PTPRN2: variants seen among roughly 807,000 people sequenced by gnomAD.
The protein encoded by PTPRN2 is receptor-type tyrosine-protein phosphatase N2.
In PTPRN2, 74 loss-of-function variants were observed where a neutral mutation model predicts 118.8. That is an observed-to-expected ratio of 0.62 (90% confidence interval 0.52 to 0.76). The LOEUF (loss-of-function observed/expected upper bound fraction) is 0.76. Ranked by LOEUF, PTPRN2 falls within the 30% of genes least tolerant of loss-of-function variation. The pLI is 0.00. For synonymous variants in PTPRN2, 641 were observed against 608.0 expected (o/e 1.05, Z -0.80); for missense variants, 1,481 against 1,394.4 (o/e 1.06, Z -0.99).
chr7:157,912,059 C>A (rs1023070236), intron 11 of PTPRN2, among the ~76,000 whole-genome samples: 1 of 152,218 alleles, frequency 6.6e-6, no homozygotes, highest in Non-Finnish European at 1.5e-5. Context: ...AACCTTCTCA[C>A]ACGTGTCTCC....
At chr7:158,442,488 C>T (rs542673698) in intron 2 of PTPRN2, among the ~76,000 whole-genome samples, 4 of 152,196 alleles carry the variant, frequency 2.6e-5, no homozygotes, top group East Asian at 1.9e-4. Flanking sequence ...ATGGATGCTA[C>T]GTATCAGTAT....
chr7:158,268,108 G>C (rs1798002961), intron 3 of PTPRN2, among the ~76,000 whole-genome samples: 1 of 152,202 alleles, frequency 6.6e-6, no homozygotes, highest in South Asian at 2.1e-4. Flanking sequence ...ACAAGTCTGT[G>C]TCTCACCTGC....
intron 12 of PTPRN2, among the ~76,000 whole-genome samples, chr7:157,725,415 G>GT (rs1423112539): frequency 2.9e-4 from 21 of 71,224 alleles, no homozygotes; most frequent in South Asian, 1.7e-3. Flanking sequence ...ACAGAGGAGT[G>GT]AGCCAGACCC....
chr7:157,820,549 C>T (rs527843053), intron 12 of PTPRN2, among the ~76,000 whole-genome samples: 1 of 151,670 alleles, frequency 6.6e-6, no homozygotes, highest in South Asian at 2.1e-4. Flanking sequence ...CACACGTGCA[C>T]ACACACGCAC....
intron 22 of PTPRN2, among the ~76,000 whole-genome samples, chr7:157,546,228 T>G (rs1255397484): frequency 6.6e-6 from 1 of 152,222 alleles, no homozygotes; most frequent in African/African-American, 2.4e-5. Context: ...CCAAGTGATC[T>G]GGGCAACAGG....
chr7:157,577,154 A>G (rs890264205), intron 18 of PTPRN2, among the ~76,000 whole-genome samples: 2 of 152,258 alleles, frequency 1.3e-5, no homozygotes, highest in African/African-American at 4.8e-5. Context: ...CGACACGACT[A>G]CATGTTCTGC....
At chr7:158,163,265 G>C (rs1436443062) in intron 6 of PTPRN2, among the ~76,000 whole-genome samples, 1 of 151,640 alleles carries the variant, frequency 6.6e-6, no homozygotes, top group Non-Finnish European at 1.5e-5. Context: ...CTTAGGTGAC[G>C]CCTGTACGGG....
At position 158,110,811 on chromosome 7, in the gene PTPRN2, C is replaced by T; in HGVS notation, c.1643+18G>A. ...AAGCAACAGGAGCCAAACAGAAACCCCAGGGCCCCGTACTTACTCCACGTC... is the reference window on the plus strand; with the variant it reads ...AAGCAACAGGAGCCAAACAGAAACCTCAGGGCCCCGTACTTACTCCACGTC... On this transcript the variant is annotated intron_variant, in intron 10 of 22. Coordinates refer to ENST00000389418, the MANE Select transcript of PTPRN2 (RefSeq NM_002847.5). 6.4e-7 allele frequency: 1 copy of T among 1,567,066 alleles called. No homozygotes were observed. Among genetic ancestry groups the T allele is most frequent in the Non-Finnish European group, 8.7e-7 (1 of 1,154,622 alleles).
chr7:157,877,658 T>C (rs2151278465), intron 12 of PTPRN2, among the ~76,000 whole-genome samples: 1 of 152,284 alleles, frequency 6.6e-6, no homozygotes, highest in Non-Finnish European at 1.5e-5. Flanking sequence ...AGCCCGGGTC[T>C]TGGTGGGTGG....
intron 3 of PTPRN2, among the ~76,000 whole-genome samples, chr7:158,206,456 G>T (rs1173353590): frequency 6.6e-6 from 1 of 152,052 alleles, no homozygotes; most frequent in Non-Finnish European, 1.5e-5. Context: ...TGGGCCTTGG[G>T]TAAGACTCAG....
chr7:158,314,668 G>A (rs993360946), intron 3 of PTPRN2, among the ~76,000 whole-genome samples: 3 of 65,396 alleles, frequency 4.6e-5, no homozygotes, highest in South Asian at 7.1e-4. Flanking sequence ...GGCCCACACC[G>A]CCACACGCGT....
chr7:157,559,028 C>T (rs991030178), intron 21 of PTPRN2, among the ~76,000 whole-genome samples: 3 of 152,242 alleles, frequency 2.0e-5, no homozygotes, highest in East Asian at 3.8e-4. Context: ...TGACACTGCA[C>T]GGGATCGCTG....
chr7:157,660,741 G>C (rs1049612690), intron 13 of PTPRN2, among the ~76,000 whole-genome samples: 1 of 152,154 alleles, frequency 6.6e-6, no homozygotes, highest in Non-Finnish European at 1.5e-5. Flanking sequence ...TATTTCTGAA[G>C]AAGTTACAGA....
intron 2 of PTPRN2, among the ~76,000 whole-genome samples, chr7:158,320,101 TCTCCCTCACACACACACACAGC>T (rs1802861215): frequency 6.3e-5 from 2 of 31,876 alleles, no homozygotes; most frequent in African/African-American, 1.2e-4. Context: ...ACTCACATAG[TCTCCCTCACACACACACACAGC>T]CTCCCTCACA....
chr7:158,472,005 C>T (rs985214900), intron 2 of PTPRN2, among the ~76,000 whole-genome samples: 5 of 152,210 alleles, frequency 3.3e-5, no homozygotes, highest in Non-Finnish European at 5.9e-5. Flanking sequence ...GCCACGGTTC[C>T]GGCCTCGCCA....
At chr7:157,769,842 G>A (rs753147824) in intron 12 of PTPRN2, among the ~76,000 whole-genome samples, 17 of 152,298 alleles carry the variant, frequency 1.1e-4, no homozygotes, top group African/African-American at 3.9e-4. Context: ...TTCCCTGGGG[G>A]CTGCCATGGG....
chr7:158,285,752 AGCTACACC>A (rs1457480474), intron 3 of PTPRN2, among the ~76,000 whole-genome samples: 1 of 152,132 alleles, frequency 6.6e-6, no homozygotes, highest in Non-Finnish European at 1.5e-5. Context: ...TGTCTATGTC[AGCTACACC>A]GGCTAACTCC....
chr7:158,071,399 CGTGGTGGAGTTG>C (rs1811566513), intron 11 of PTPRN2, among the ~76,000 whole-genome samples: 7 of 20,992 alleles, frequency 3.3e-4, no homozygotes, highest in African/African-American at 1.3e-3. Context: ...TGGAGGTGCT[CGTGGTGGAGTTG>C]CTCCTGGTGG....
intron 4 of PTPRN2, among the ~76,000 whole-genome samples, chr7:158,200,139 T>A (rs1196973016): frequency 6.6e-6 from 1 of 152,200 alleles, no homozygotes; most frequent in Non-Finnish European, 1.5e-5. Context: ...CCCTCCGACC[T>A]GACCCAAGGG....
Sources: gnomAD v4.1 joint callset for allele counts (sites outside exome capture counted in the v4.1 genomes callset) on GRCh38, gnomAD v4.1.1 for gene constraint, MANE v1.5 for transcripts, NCBI Gene and HGNC (gene_info 2026-07-23, HGNC 2026-07-21) for gene names.